The following SYTL5 variants were observed in gnomAD, a reference collection of about 807,000 sequenced individuals.
SYTL5 encodes synaptotagmin like 5.
In SYTL5, 34 loss-of-function variants were observed where a neutral mutation model predicts 55.9. The observed-to-expected ratio is 0.61, with a 90% CI of 0.46 to 0.81. SYTL5 has a LOEUF of 0.81. SYTL5 is among the 30% of genes least tolerant of loss of function. The pLI is 0.00. For missense variants in SYTL5, 637 were observed against 546.7 expected (o/e 1.17, Z -1.65); for synonymous variants, 221 against 188.7 (o/e 1.17, Z -1.40).
At chrX:37,963,312 G>A in the SYTL5 span, among the ~76,000 whole-genome samples, 2 of 97,017 alleles carry the variant, frequency 2.1e-5, no homozygotes, top group African/African-American at 7.6e-5. Flanking sequence ...TTTTTGAGAC[G>A]GAGTCTCACT....
chrX:37,912,391 T>C, the SYTL5 span, among the ~76,000 whole-genome samples: 1 of 112,195 alleles, frequency 8.9e-6, no homozygotes, highest in Non-Finnish European at 1.9e-5. Flanking sequence ...CAGTCAGCCT[T>C]AGGATGCCAC....
In SYTL5 at chrX:38,045,213, T is replaced by C. The variant is rs185646648; in HGVS notation, c.120-9000T>C. On this transcript the variant is annotated intron_variant, in intron 2 of 16. Coordinates refer to ENST00000297875, the MANE Select transcript of SYTL5 (RefSeq NM_138780.3). Reference sequence around the variant, plus strand: ...ATCATGACTTTACAGAGACAGATAATGTTTGCTGTTTTGTCTCCATTGTCC... The same window carrying C: ...ATCATGACTTTACAGAGACAGATAACGTTTGCTGTTTTGTCTCCATTGTCC... Among the ~76,000 whole-genome samples, 849 of 112,058 alleles carry C rather than the reference T, an allele frequency of 7.6e-3. 2 individuals carry two copies. The highest frequency in any genetic ancestry group is 0.013 in the Non-Finnish European group (716 of 53,135).
intron 3 of SYTL5, among the ~76,000 whole-genome samples, chrX:38,055,202 A>T (rs934921221): frequency 8.9e-6 from 1 of 111,740 alleles, no homozygotes; most frequent in Non-Finnish European, 1.9e-5. Flanking sequence ...AAGCTGGAGT[A>T]CTTCCCGAAT....
chrX:38,108,676 C>A lies in SYTL5; in HGVS notation c.1411C>A (p.Pro471Thr). The A allele has an allele frequency of 8.4e-7, 1 of 1,196,491 alleles. No homozygotes were observed. The highest frequency in any genetic ancestry group is 1.1e-6 in the Non-Finnish European group (1 of 885,371). The change falls in exon 12 of 17, where the codon CCA becomes ACA. Residue 471 changes from proline (P) to threonine (T), a missense_variant. Physicochemically the swap from Pro to Thr is conservative, Grantham distance 38. Coordinates refer to ENST00000297875, the MANE Select transcript of SYTL5 (RefSeq NM_138780.3). The part of the protein sequence containing the change: ...RKTKIRTGTN[P>T]EFNETLKYTI... ...GACCAAAATCAGAACAGGCACCAATCCAGAATTCAATGAAACACTAAAGGT... is the reference window on the plus strand; with the variant it reads ...GACCAAAATCAGAACAGGCACCAATACAGAATTCAATGAAACACTAAAGGT...
rs1324071604 is a variant in SYTL5, at chrX:38,026,324, CAT to C, written c.-356-7208_-356-7207del. ...CATTCTATCTTACTAAATTTATAGT[CAT>C]AGTTCAGTGCTGCCTTCTGGAGAAA... On this transcript the variant is annotated intron_variant, in intron 1 of 16. Transcript: ENST00000297875. Among the ~76,000 whole-genome samples the C allele has an allele frequency of 6.3e-5, 7 of 111,355 alleles. No homozygotes were observed. In the East Asian group the frequency reaches 2.0e-3, roughly 32 times the overall value.
rs754667145 is a variant in SYTL5 at position 38,051,592 on chromosome X, A to AG, written c.120-2618dup. Among the ~76,000 whole-genome samples the AG allele has an allele frequency of 3.6e-3, 404 of 111,840 alleles. 3 individuals are homozygous for AG. Among genetic ancestry groups the AG allele is most frequent in the African/African-American group, 0.012 (381 of 30,782 alleles). On this transcript the variant is annotated intron_variant, in intron 2 of 16. Transcript: ENST00000297875. ...ACTTCAAGCCACTGCAGTGAGCCAC[A>AG]GGGAAGGAATAAAGGTTTTCTTTTC...
intron 7 of SYTL5, among the ~76,000 whole-genome samples, chrX:38,091,146 G>C (rs1350826635): frequency 8.9e-6 from 1 of 111,841 alleles, no homozygotes; most frequent in Non-Finnish European, 1.9e-5. Flanking sequence ...AGGAGAACAA[G>C]AGTGAAAGCC....
At chrX:37,929,204 CT>C in the SYTL5 span, among the ~76,000 whole-genome samples, 1 of 111,968 alleles carries the variant, frequency 8.9e-6, no homozygotes, top group African/African-American at 3.2e-5. Context: ...GGCTTTTCAC[CT>C]GTTTTTTCTT....
the SYTL5 span, among the ~76,000 whole-genome samples, chrX:37,889,578 G>T: frequency 9.0e-6 from 1 of 111,394 alleles, no homozygotes; most frequent in Non-Finnish European, 1.9e-5. Flanking sequence ...ATGTGGGATG[G>T]GCTTGAGTGG....
chrX:37,933,866 A>G, the SYTL5 span, among the ~76,000 whole-genome samples: 1 of 110,983 alleles, frequency 9.0e-6, no homozygotes, highest in East Asian at 2.8e-4. Flanking sequence ...GTAAAGGCTA[A>G]GTTGGAGTTG....
the SYTL5 span, among the ~76,000 whole-genome samples, chrX:37,930,367 A>T: frequency 1.8e-5 from 2 of 112,313 alleles, no homozygotes; most frequent in African/African-American, 6.5e-5. Context: ...TCAAAGGGAT[A>T]TAAGAAGTGA....
intron 2 of SYTL5, among the ~76,000 whole-genome samples, chrX:38,051,728 G>C (rs1935630264): frequency 9.0e-6 from 1 of 111,467 alleles, no homozygotes; most frequent in Non-Finnish European, 1.9e-5. Flanking sequence ...GAAATATTTG[G>C]TGATGGGACA....
chrX:38,036,689 G>T (rs1032032548), intron 2 of SYTL5, among the ~76,000 whole-genome samples: 45 of 111,964 alleles, frequency 4.0e-4, no homozygotes, highest in African/African-American at 1.3e-3. Context: ...TCCAAAGTGG[G>T]TGGCATGATG....
At chrX:37,897,942 CA>C in the SYTL5 span, among the ~76,000 whole-genome samples, 1 of 111,256 alleles carries the variant, frequency 9.0e-6, no homozygotes, top group African/African-American at 3.3e-5. Flanking sequence ...CACTAAAATA[CA>C]AAAAATCAAC....
the SYTL5 span, among the ~76,000 whole-genome samples, chrX:37,962,461 T>C: frequency 8.9e-6 from 1 of 112,277 alleles, no homozygotes; most frequent in South Asian, 3.7e-4. Context: ...ATTTTCTTAA[T>C]CCAGTCTATC....
the SYTL5 span, among the ~76,000 whole-genome samples, chrX:37,955,626 C>T: frequency 8.9e-6 from 1 of 112,029 alleles, no homozygotes; most frequent in African/African-American, 3.2e-5. Context: ...AGTTGAGACT[C>T]ACCCTTATGT....
Position 38,076,597 on chromosome X carries a change from C to T in SYTL5, c.585C>T (p.Thr195=), listed in dbSNP as rs769890265. 3 of 1,204,431 alleles carry T rather than the reference C, an allele frequency of 2.5e-6. No homozygotes were observed. In the African/African-American group the frequency reaches 5.3e-5, roughly 21 times the overall value. Residue 195 remains threonine, a synonymous_variant, in exon 6 of 17, where the codon ACC becomes ACT. Transcript: ENST00000297875. ...GFLLSKFRSA[T]RGEIITPKTD... The stretch of plus-strand genomic sequence containing the variant: ...TTCTTAGCAAGTTCAGATCGGCAAC[C>T]AGAGGAGAAATCATAACTCCCAAAA...
intron 3 of SYTL5, among the ~76,000 whole-genome samples, chrX:38,055,013 G>A (rs5918464): frequency 0.35 from 39,164 of 110,425 alleles, 7,355 homozygotes; most frequent in African/African-American, 0.72. Flanking sequence ...CACTGCACCC[G>A]GCCACTCTTT....
chrX:37,902,263 A>G, the SYTL5 span, among the ~76,000 whole-genome samples: 3 of 111,903 alleles, frequency 2.7e-5, no homozygotes, highest in African/African-American at 9.7e-5. Context: ...GCGCACCTTA[A>G]TAGCAGCCTT....
Sources: gnomAD v4.1 joint callset for allele counts (sites outside exome capture counted in the v4.1 genomes callset) on GRCh38, gnomAD v4.1.1 for gene constraint, MANE v1.5 for transcripts, NCBI Gene and HGNC (gene_info 2026-07-23, HGNC 2026-07-21) for gene names.